BTBD16: variants seen among roughly 807,000 people sequenced by gnomAD.
The protein encoded by BTBD16 is BTB domain containing 16, also known as BTB/POZ domain-containing protein 16.
Under a neutral mutation model 67.4 loss-of-function variants are expected in BTBD16, and 66 were observed. The ratio of observed to expected loss-of-function variants is 0.98; its 90% CI spans 0.80 to 1.20. The LOEUF (loss-of-function observed/expected upper bound fraction) is 1.20, where lower values mean the gene tolerates loss of function less well. BTBD16 is among the 50% of genes most tolerant of loss of function. The pLI, the probability that BTBD16 is intolerant of heterozygous loss-of-function variation, is 0.00. For synonymous variants in BTBD16, 242 were observed against 236.4 expected (o/e 1.02, Z -0.22); for missense variants, 634 against 616.0 (o/e 1.03, Z -0.31).
At chr10:122,295,990 G>C (rs1047888623) in intron 7 of BTBD16, among the ~76,000 whole-genome samples, 3 of 152,012 alleles carry the variant, frequency 2.0e-5, no homozygotes, top group African/African-American at 4.8e-5. Flanking sequence ...GAAAAAGATG[G>C]AGAAGCTACC....
At chr10:122,315,071 T>G (rs1363973032) in intron 10 of BTBD16, among the ~76,000 whole-genome samples, 6 of 152,134 alleles carry the variant, frequency 3.9e-5, no homozygotes, top group Non-Finnish European at 8.8e-5. Context: ...ATTTCTAGAG[T>G]TTTTAATCAC....
chr10:122,328,705 A>G (rs2096449688), intron 10 of BTBD16: 1 of 965,422 alleles, frequency 1.0e-6, no homozygotes, highest in East Asian at 1.1e-4. Flanking sequence ...ACTTGGAAAG[A>G]TTGTTCCCCA....
Position 122,338,124 on chromosome 10 carries a change from G to A in BTBD16, c.*39G>A, listed in dbSNP as rs918049010. ...AATCTATGGGATTTTCCCCCCACTG[G>A]TCTGCATAAAAGAAAATAAAATGAC... On this transcript the variant is annotated 3_prime_UTR_variant, in exon 16 of 16. Coordinates refer to ENST00000260723, the MANE Select transcript of BTBD16 (RefSeq NM_144587.5). 1 of 1,468,906 alleles carries A rather than the reference G, an allele frequency of 6.8e-7. No individual in the cohort carries two copies. Among genetic ancestry groups the A allele is most frequent in the Non-Finnish European group, 9.5e-7 (1 of 1,052,578 alleles). The allele number at this position is 1,468,906 out of a possible 1,614,324, so 91.0% of individuals were successfully genotyped here.
intron 12 of BTBD16, chr10:122,332,056 A>C (rs1324015831): frequency 1.1e-5 from 2 of 187,446 alleles, no homozygotes; most frequent in Admixed American, 5.6e-5. Context: ...CCCGCTGCCA[A>C]CGTCATCCTC....
At chr10:122,298,407 G>C (rs1233472586) in intron 8 of BTBD16, among the ~76,000 whole-genome samples, 1 of 152,182 alleles carries the variant, frequency 6.6e-6, no homozygotes, top group Non-Finnish European at 1.5e-5. Context: ...AAGGCCACTT[G>C]TGGTGGAAAC....
rs191952311 is a variant in BTBD16 at position 122,316,492 on chromosome 10, A to G, written c.911+9184A>G. On this transcript the variant is annotated intron_variant, in intron 10 of 15. Coordinates refer to ENST00000260723, the MANE Select transcript of BTBD16 (RefSeq NM_144587.5). ...CGTGCAAACATCATAGGGGGTGCTT[A>G]CACAAACCTAGATGGCATAGCCTAC... Among the ~76,000 whole-genome samples the G allele has an allele frequency of 3.1e-3, 468 of 152,246 alleles. 1 individual carries two copies. The highest frequency in any genetic ancestry group is 4.2e-3 in the Non-Finnish European group (288 of 68,010).
At chr10:122,320,294 T>G (rs1227509756) in intron 10 of BTBD16, among the ~76,000 whole-genome samples, 1 of 152,108 alleles carries the variant, frequency 6.6e-6, no homozygotes, top group African/African-American at 2.4e-5. Flanking sequence ...AGGAAATAAT[T>G]TAATCTTTCA....
chr10:122,320,354 T>C (rs2096433336), intron 10 of BTBD16, among the ~76,000 whole-genome samples: 1 of 152,110 alleles, frequency 6.6e-6, no homozygotes, highest in Admixed American at 6.5e-5. Flanking sequence ...CCCTTTATCA[T>C]GTTGAGGAGG....
intron 10 of BTBD16, among the ~76,000 whole-genome samples, chr10:122,309,811 G>A (rs558186927): frequency 7.4e-6 from 1 of 135,016 alleles, no homozygotes; most frequent in East Asian, 2.3e-4. Context: ...CTCACTTGTT[G>A]CCCAGGCTGG....
intron 7 of BTBD16, among the ~76,000 whole-genome samples, chr10:122,293,138 G>A (rs775838838): frequency 1.3e-5 from 2 of 152,176 alleles, no homozygotes; most frequent in Non-Finnish European, 2.9e-5. Flanking sequence ...ATCAGGGCAG[G>A]AGGTGGTCTG....
chr10:122,282,880 G>C (rs577499496), intron 3 of BTBD16, among the ~76,000 whole-genome samples: 2 of 152,202 alleles, frequency 1.3e-5, no homozygotes, highest in Non-Finnish European at 2.9e-5. Flanking sequence ...CGGCAATGAA[G>C]TTTATTCTGA....
intron 7 of BTBD16, among the ~76,000 whole-genome samples, chr10:122,292,387 T>C (rs1407994581): frequency 2.0e-5 from 3 of 152,252 alleles, no homozygotes; most frequent in Non-Finnish European, 4.4e-5. Flanking sequence ...ATGCTCATTT[T>C]ACAGATGAGA....
chr10:122,335,041 C>A, intron 14 of BTBD16, 62 bp downstream of exon 14: 1 of 787,134 alleles, frequency 1.3e-6, no homozygotes, highest in Non-Finnish European at 2.1e-6. Context: ...AGAGTCAATT[C>A]ATGTTGAATT....
At chr10:122,273,245 T>TATATATATATATATATATATAC (rs1249462780) in intron 1 of BTBD16, among the ~76,000 whole-genome samples, 4 of 139,486 alleles carry the variant, frequency 2.9e-5, no homozygotes, top group Admixed American at 7.2e-5. Context: ...TATATATATA[T>TATATATATATATATATATATAC]ACACACATAC....
rs947069284 is a variant in BTBD16 at position 122,309,068 on chromosome 10, A to G, written c.911+1760A>G. ...AAGCAGCTTCAACAAAGGGCTTATG[A>G]TCCTTTCTCTTGCCCCAACTTGCCT... is the stretch of plus-strand genomic sequence containing the variant. On this transcript the variant is annotated intron_variant, in intron 10 of 15. Coordinates refer to ENST00000260723, the MANE Select transcript of BTBD16 (RefSeq NM_144587.5). Among the ~76,000 whole-genome samples, 6 of 152,156 alleles carry G rather than the reference A, an allele frequency of 3.9e-5. No individual in the cohort carries two copies. The South Asian group carries it at 1.2e-3, about 32-fold the overall frequency.
At chr10:122,281,593 C>A (rs1590049500) in intron 3 of BTBD16, among the ~76,000 whole-genome samples, 1 of 152,076 alleles carries the variant, frequency 6.6e-6, no homozygotes, top group South Asian at 2.1e-4. Flanking sequence ...CATCATAACT[C>A]CATTTTTATG....
At position 122,334,904 on chromosome 10, in the gene BTBD16, G is replaced by T. The variant is rs754777467; in HGVS notation, c.1188G>T (p.Thr396=). The change falls in exon 14 of 16, where the codon ACG becomes ACT. Residue 396 remains threonine, a synonymous_variant. Transcript: ENST00000260723. ...AGGAGAATACAACTTATTCGAAAACGATTGCTCTATATGGATTCTTCTTTA... is the reference window on the plus strand; with the variant it reads ...AGGAGAATACAACTTATTCGAAAACTATTGCTCTATATGGATTCTTCTTTA... ...FNQENTTYSK[T]IALYGFFFKI... 6.4e-7 allele frequency: 1 copy of T among 1,568,746 alleles called. No homozygotes were observed. Among genetic ancestry groups the T allele is most frequent in the Non-Finnish European group, 8.8e-7 (1 of 1,142,838 alleles).
Position 122,329,571 on chromosome 10 carries a change from G to A in BTBD16, c.1003G>A (p.Gly335Ser). The change falls in exon 11 of 16, where the codon GGC becomes AGC. Residue 335 changes from glycine (G) to serine (S), a missense_variant and splice_region_variant. Gly to Ser is a moderately conservative substitution (Grantham distance 56, BLOSUM62 0). Transcript: ENST00000260723. ...CTTGCGTCTGCACGGCATCACCAAA[G>A]GTAAGCCCCAGTCCAGGCGAGCGCA... ...LCLRLHGITK[G>S]KDLEVLRHLN... The A allele has an allele frequency of 6.2e-7, 1 of 1,613,428 alleles. No homozygotes were observed. Among genetic ancestry groups the A allele is most frequent in the South Asian group, 1.1e-5 (1 of 91,074 alleles).
At chr10:122,274,068 G>T (rs1232303531) in intron 1 of BTBD16, among the ~76,000 whole-genome samples, 1 of 152,228 alleles carries the variant, frequency 6.6e-6, no homozygotes, top group Non-Finnish European at 1.5e-5. Flanking sequence ...GCTGTTTGGG[G>T]AGCAAAGGGA....
Sources: gnomAD v4.1 joint callset for allele counts (sites outside exome capture counted in the v4.1 genomes callset) on GRCh38, gnomAD v4.1.1 for gene constraint, MANE v1.5 for transcripts, NCBI Gene and HGNC (gene_info 2026-07-23, HGNC 2026-07-21) for gene names.